PCCA: variants seen among roughly 807,000 people sequenced by gnomAD.
PCCA encodes propionyl-CoA carboxylase subunit alpha, also known as propionyl-CoA carboxylase alpha chain, mitochondrial.
A neutral mutation model predicts 101.3 loss-of-function variants in PCCA; 74 were observed. The observed-to-expected ratio is 0.73, with a 90% confidence interval of 0.61 to 0.89. The LOEUF is 0.89. PCCA is among the 40% of genes least tolerant of loss of function. PCCA has a pLI of 0.00. For missense variants in PCCA, 891 were observed against 907.0 expected (o/e 0.98, Z 0.23); for synonymous variants, 294 against 313.6 (o/e 0.94, Z 0.66).
At chr13:100,328,455 GTTTGTTATTTTATTTTCTTAGTTGCCTCT>G (rs1416059459) in intron 16 of PCCA, among the ~76,000 whole-genome samples, 1 of 149,522 alleles carries the variant, frequency 6.7e-6, no homozygotes, top group Non-Finnish European at 1.5e-5. Context: ...TCAGGCTGTA[GTTTGTTATTTTATTTTCTTAGTTGCCTCT>G]TTTGAGGAGC....
chr13:100,484,726 C>T (rs1293981603), intron 21 of PCCA, among the ~76,000 whole-genome samples: 2 of 152,200 alleles, frequency 1.3e-5, no homozygotes, highest in African/African-American at 4.8e-5. Context: ...CTGAAAGAAA[C>T]CATTGTTTTT....
chr13:100,143,830 C>G (rs1372573404), intron 4 of PCCA, among the ~76,000 whole-genome samples: 1 of 152,118 alleles, frequency 6.6e-6, no homozygotes, highest in Non-Finnish European at 1.5e-5. Flanking sequence ...CCATAGCTCA[C>G]TGCAACTTCC....
chr13:100,487,214 A>G (rs1215176027), intron 21 of PCCA, among the ~76,000 whole-genome samples: 1 of 152,244 alleles, frequency 6.6e-6, no homozygotes, highest in African/African-American at 2.4e-5. Flanking sequence ...CCTGTATAAT[A>G]GAACAAATTA....
intron 21 of PCCA, among the ~76,000 whole-genome samples, chr13:100,477,912 A>G (rs1158512785): frequency 6.6e-6 from 1 of 152,186 alleles, no homozygotes; most frequent in African/African-American, 2.4e-5. Context: ...GAGCATGAGG[A>G]ACAGCTGGCC....
At chr13:100,125,947 C>T (rs191481304) in intron 4 of PCCA, among the ~76,000 whole-genome samples, 5 of 152,252 alleles carry the variant, frequency 3.3e-5, no homozygotes, top group Admixed American at 3.3e-4. Context: ...AATGGCTCGT[C>T]TGGGAGTTGT....
chr13:100,321,687 C>T (rs73575466), intron 16 of PCCA, among the ~76,000 whole-genome samples: 5,274 of 148,138 alleles, frequency 0.036, 323 homozygotes, highest in African/African-American at 0.12. Context: ...AGAATATGAT[C>T]GATTCTGATA....
intron 7 of PCCA, among the ~76,000 whole-genome samples, chr13:100,234,122 C>A (rs1169463039): frequency 6.6e-6 from 1 of 152,180 alleles, no homozygotes; most frequent in Non-Finnish European, 1.5e-5. Context: ...TCAGCCATCA[C>A]TCTTCCTGTA....
At chr13:100,293,358 A>AT in intron 12 of PCCA, 3 of 378,364 alleles carry the variant, frequency 7.9e-6, no homozygotes, top group Admixed American at 3.7e-5. Context: ...GATTTTAGAA[A>AT]TTTTTTTGTA....
rs8181885 is a variant in PCCA at position 100,502,282 on chromosome 13, C to T, written c.1900-13145C>T. Among the ~76,000 whole-genome samples, 669 of 152,234 alleles carry T rather than the reference C, an allele frequency of 4.4e-3. 33 individuals are homozygous for T. The East Asian group carries it at 0.098, about 22-fold the overall frequency. On this transcript the variant is annotated intron_variant, in intron 21 of 23. Coordinates refer to ENST00000376285, the MANE Select transcript of PCCA (RefSeq NM_000282.4). ...TAAGCCTGTGAAACAGAGGCCCAGC[C>T]CCCTGATCCAGGCAGATTTCACTAA...
At chr13:100,440,540 T>C (rs1053131868) in intron 20 of PCCA, among the ~76,000 whole-genome samples, 1 of 152,030 alleles carries the variant, frequency 6.6e-6, no homozygotes, top group Admixed American at 6.6e-5. Context: ...TTATAGATAG[T>C]AAAATTAATA....
intron 6 of PCCA, among the ~76,000 whole-genome samples, chr13:100,203,676 G>A (rs1398195575): frequency 6.6e-6 from 1 of 152,178 alleles, no homozygotes; most frequent in South Asian, 2.1e-4. Context: ...GTGAGACTTC[G>A]TATCAAGACA....
chr13:100,328,376 TAATA>T (rs2068973988), intron 16 of PCCA, among the ~76,000 whole-genome samples: 1 of 14,994 alleles, frequency 6.7e-5, no homozygotes, highest in Admixed American at 6.6e-4. Context: ...AAATATATAA[TAATA>T]ATAATAATAA....
chr13:100,255,069 A>G (rs545811669), intron 8 of PCCA, among the ~76,000 whole-genome samples: 80 of 152,208 alleles, frequency 5.3e-4, no homozygotes, highest in Middle Eastern at 3.4e-3. Context: ...TGGGTGACAG[A>G]GCGAGACCAA....
At chr13:100,452,251 C>T (rs1227760051) in intron 21 of PCCA, among the ~76,000 whole-genome samples, 3 of 151,444 alleles carry the variant, frequency 2.0e-5, no homozygotes, top group African/African-American at 4.9e-5. Flanking sequence ...TCCCTGTCTC[C>T]CTCTCCCCTG....
intron 18 of PCCA, among the ~76,000 whole-genome samples, chr13:100,365,806 G>C (rs1038820128): frequency 2.0e-5 from 3 of 152,124 alleles, no homozygotes; most frequent in African/African-American, 7.2e-5. Flanking sequence ...CCCTATCAAT[G>C]CAGATATTGT....
At position 100,330,630 on chromosome 13, in the gene PCCA, G is replaced by A. The variant is rs772196822; in HGVS notation, c.1499G>A (p.Ser500Asn). Residue 500 changes from serine (S) to asparagine (N), a missense_variant, in exon 17 of 24, where the codon AGC becomes AAC. Physicochemically the swap from Ser to Asn is conservative, Grantham distance 46. Transcript: ENST00000376285. ...INSRFVKGDI[S>N]TKFLSDVYPD... Reference sequence around the variant, plus strand: ...TCACGCTTTGTAAAAGGAGACATCAGCACTAAATTTCTCTCCGATGTGTAT... The same window carrying A: ...TCACGCTTTGTAAAAGGAGACATCAACACTAAATTTCTCTCCGATGTGTAT... 6.2e-7 allele frequency: 1 copy of A among 1,612,302 alleles called. No individual in the cohort carries two copies. Among genetic ancestry groups the A allele is most frequent in the South Asian group, 1.1e-5 (1 of 91,046 alleles).
At chr13:100,349,386 C>T (rs1172870797) in intron 18 of PCCA, among the ~76,000 whole-genome samples, 1 of 152,190 alleles carries the variant, frequency 6.6e-6, no homozygotes, top group Non-Finnish European at 1.5e-5. Context: ...CTCGGCCTCC[C>T]AAAGTGCTGG....
At chr13:100,346,963 T>G (rs978900679) in intron 18 of PCCA, among the ~76,000 whole-genome samples, 4 of 152,008 alleles carry the variant, frequency 2.6e-5, no homozygotes. Context: ...AACCTCCGCC[T>G]CCTGTGTTCA....
At chr13:100,384,788 C>T (rs1567044014) in intron 19 of PCCA, among the ~76,000 whole-genome samples, 1 of 151,918 alleles carries the variant, frequency 6.6e-6, no homozygotes. Context: ...TAAAAATTAC[C>T]TATGGCTTAA....
Sources: allele counts gnomAD v4.1 joint callset (sites outside exome capture counted in the v4.1 genomes callset), GRCh38; gene constraint gnomAD v4.1.1; transcripts MANE v1.5; gene names NCBI Gene and HGNC (gene_info 2026-07-23, HGNC 2026-07-21).